The following EHBP1 variants were observed in gnomAD, a reference collection of about 807,000 sequenced individuals.
The protein encoded by EHBP1 is EH domain binding protein 1.
In EHBP1, 55 loss-of-function variants were observed where a neutral mutation model predicts 144.0. That is an observed-to-expected ratio of 0.38 (90% confidence interval 0.31 to 0.48). The LOEUF (loss-of-function observed/expected upper bound fraction) is 0.48. EHBP1 is among the 20% of genes least tolerant of loss of function. The pLI is 0.98. For missense variants in EHBP1, 1,200 were observed against 1,364.2 expected, an observed-to-expected ratio of 0.88 and a Z score of 1.90; for synonymous variants, 469 against 472.7, an observed-to-expected ratio of 0.99 and a Z score of 0.10.
chr2:63,035,998 C>T (rs1054137454), intron 19 of EHBP1, among the ~76,000 whole-genome samples: 6 of 151,976 alleles, frequency 3.9e-5, no homozygotes, highest in African/African-American at 9.7e-5. Flanking sequence ...AAGTCGGCTT[C>T]GTACCATTAG....
chr2:62,989,148 C>T (rs1206997168), intron 15 of EHBP1, among the ~76,000 whole-genome samples: 1 of 152,122 alleles, frequency 6.6e-6, no homozygotes, highest in East Asian at 1.9e-4. Context: ...AAAATTAGAA[C>T]TACATTTTAC....
chr2:62,760,474 TTTTAG>T (rs1293213264), intron 3 of EHBP1, among the ~76,000 whole-genome samples: 2 of 152,118 alleles, frequency 1.3e-5, no homozygotes, highest in Non-Finnish European at 2.9e-5. Flanking sequence ...AATAAAAAGA[TTTTAG>T]TTTGTTAAGC....
chr2:62,915,782 C>T (rs1240281426), intron 10 of EHBP1, among the ~76,000 whole-genome samples: 3 of 152,086 alleles, frequency 2.0e-5, no homozygotes, highest in Middle Eastern at 3.4e-3. Context: ...GCAGTATATA[C>T]GATAACAACG....
chr2:62,830,583 C>T (rs1366409857), intron 6 of EHBP1, among the ~76,000 whole-genome samples: 4 of 152,034 alleles, frequency 2.6e-5, no homozygotes, highest in Non-Finnish European at 4.4e-5. Flanking sequence ...ATATTTTCTC[C>T]CACTCTGTGA....
chr2:62,963,736 T>C (rs2058108064), intron 14 of EHBP1, among the ~76,000 whole-genome samples: 1 of 152,198 alleles, frequency 6.6e-6, no homozygotes, highest in Non-Finnish European at 1.5e-5. Flanking sequence ...TAATAACATA[T>C]AGAGTGAGTT....
intron 10 of EHBP1, among the ~76,000 whole-genome samples, chr2:62,900,465 A>G (rs1050557334): frequency 1.8e-4 from 28 of 151,904 alleles, no homozygotes; most frequent in East Asian, 5.8e-4. Context: ...TCACAAAACA[A>G]TTTTAATTAG....
At chr2:63,028,503 C>T (rs893418553) in intron 19 of EHBP1, among the ~76,000 whole-genome samples, 2 of 151,730 alleles carry the variant, frequency 1.3e-5, no homozygotes, top group Admixed American at 6.6e-5. Context: ...CTTCTAGGCT[C>T]GAGTGATCCT....
chr2:62,821,031 ATAT>A (rs894697094), intron 5 of EHBP1, among the ~76,000 whole-genome samples: 3 of 151,604 alleles, frequency 2.0e-5, no homozygotes, highest in Non-Finnish European at 4.4e-5. Flanking sequence ...TAAAATTCAA[ATAT>A]TAATGCCATT....
intron 1 of EHBP1, among the ~76,000 whole-genome samples, chr2:62,675,503 T>C (rs2033252643): frequency 6.6e-6 from 1 of 152,044 alleles, no homozygotes; most frequent in Non-Finnish European, 1.5e-5. Context: ...CAAAGGATAA[T>C]GAAAAGGCAT....
At chr2:62,764,403 C>T in intron 4 of EHBP1, 42 bp downstream of exon 4, 1 of 1,408,992 alleles carries the variant, frequency 7.1e-7, no homozygotes, top group Non-Finnish European at 9.6e-7. Context: ...ATTATATAAC[C>T]AGGGTACCAA....
intron 5 of EHBP1, among the ~76,000 whole-genome samples, chr2:62,797,555 A>G (rs1177938073): frequency 6.6e-6 from 1 of 152,230 alleles, no homozygotes; most frequent in Non-Finnish European, 1.5e-5. Flanking sequence ...AATCAAGTGT[A>G]CTGCTATAGT....
Position 63,045,394 on chromosome 2 carries a change from T to C in EHBP1, c.3393-16T>C. 1 of 1,612,080 alleles carries C rather than the reference T, an allele frequency of 6.2e-7. No individual in the cohort carries two copies. The highest frequency in any genetic ancestry group is 1.1e-5 in the South Asian group (1 of 91,024). Reference sequence around the variant, plus strand: ...ATAATTTTGTTTCCTGTTTGTCCTGTTTGTCTGACATCCAGGGCCGAAGAA... The same window carrying C: ...ATAATTTTGTTTCCTGTTTGTCCTGCTTGTCTGACATCCAGGGCCGAAGAA... On this transcript the variant is annotated splice_polypyrimidine_tract_variant and intron_variant, in intron 22 of 22. Transcript: ENST00000431489. The surrounding 1 kb of genome is among the most constrained non-coding windows in gnomAD (Gnocchi z 5.7).
intron 10 of EHBP1, among the ~76,000 whole-genome samples, chr2:62,932,992 G>A (rs1208515796): frequency 1.4e-5 from 2 of 147,112 alleles, no homozygotes; most frequent in East Asian, 2.0e-4. Flanking sequence ...TAAATATTAT[G>A]TGTATTTTAC....
chr2:62,676,598 A>G (rs1282854103), intron 1 of EHBP1, among the ~76,000 whole-genome samples: 1 of 152,184 alleles, frequency 6.6e-6, no homozygotes, highest in Non-Finnish European at 1.5e-5. Context: ...AAATTCCCAC[A>G]TGGGGGTTGT....
intron 3 of EHBP1, among the ~76,000 whole-genome samples, chr2:62,755,310 T>C (rs1039987612): frequency 6.6e-6 from 1 of 152,210 alleles, no homozygotes; most frequent in Admixed American, 6.5e-5. Context: ...GATTTGTTCA[T>C]GGTGTTTTGT....
chr2:62,804,502 T>A (rs1307485752), intron 5 of EHBP1, among the ~76,000 whole-genome samples: 1 of 152,162 alleles, frequency 6.6e-6, no homozygotes, highest in South Asian at 2.1e-4. Context: ...AAGTGAATAT[T>A]TATTAAATCG....
At chr2:62,749,184 G>A (rs1326202553) in intron 3 of EHBP1, among the ~76,000 whole-genome samples, 1 of 151,326 alleles carries the variant, frequency 6.6e-6, no homozygotes, top group Non-Finnish European at 1.5e-5. Context: ...CCCTTCCTGT[G>A]TCCAAGTGTT....
At chr2:62,918,919 A>G (rs895353560) in intron 10 of EHBP1, among the ~76,000 whole-genome samples, 15 of 151,894 alleles carry the variant, frequency 9.9e-5, no homozygotes, top group African/African-American at 3.6e-4. Context: ...AGATGTAACT[A>G]TTTTGGAAAC....
chr2:62,995,544 A>G (rs1260499145), intron 18 of EHBP1, among the ~76,000 whole-genome samples: 1 of 152,134 alleles, frequency 6.6e-6, no homozygotes, highest in Non-Finnish European at 1.5e-5. Context: ...TATAGCTTCT[A>G]AGAGATTCAC....
Sources: allele counts gnomAD v4.1 joint callset (sites outside exome capture counted in the v4.1 genomes callset), GRCh38; gene constraint gnomAD v4.1.1; non-coding constraint Gnocchi (gnomAD v3.1); transcripts MANE v1.5; gene names NCBI Gene and HGNC (gene_info 2026-07-23, HGNC 2026-07-21).